Variants in NUDT21 observed in about 807,000 individuals in gnomAD.
NUDT21 encodes the protein cleavage and polyadenylation specificity factor subunit 5.
NUDT21 carries 5 observed loss-of-function variants against 29.8 expected under a neutral mutation model. That is an observed-to-expected ratio of 0.17 (90% confidence interval 0.09 to 0.35). The LOEUF (loss-of-function observed/expected upper bound fraction) is 0.35. NUDT21 is among the 10% of genes least tolerant of loss of function. The pLI is 1.00. For missense variants in NUDT21, 76 were observed against 276.0 expected, an observed-to-expected ratio of 0.28 and a Z score of 5.13; for synonymous variants, 113 against 98.5, an observed-to-expected ratio of 1.15 and a Z score of -0.87.
rs1369922967 is a variant in NUDT21, at chr16:56,439,472, G to C, written c.471+185C>G. On this transcript the variant is annotated intron_variant, in intron 4 of 6. Transcript: ENST00000300291. ...ATTACAGGCATGAGCCACCTCGCCC[G>C]GCCTTGTATTTGTTTTACATTTTCC... 2.4e-5 allele frequency: 14 copies of C among 575,504 alleles called. No individual in the cohort carries two copies. The Admixed American group carries it at 4.1e-4, about 17-fold the overall frequency. The allele number at this position is 575,504 out of a possible 1,614,324, so 35.6% of individuals were successfully genotyped here. A position where few individuals can be genotyped will look rare whatever the true frequency, so the allele number is the denominator to read the frequency against.
Position 56,451,312 on chromosome 16 carries a change from A to C in NUDT21, c.-110T>G. 1.1e-6 allele frequency: 1 copy of C among 884,250 alleles called. No individual in the cohort carries two copies. Among genetic ancestry groups the C allele is most frequent in the Non-Finnish European group, 1.7e-6 (1 of 574,036 alleles). The allele number at this position is 884,250 out of a possible 1,614,324, so 54.8% of individuals were successfully genotyped here. ...CCCTCAGCGGCTACTGCCCGCCATTAACAGGACAGCGCAAGAGGAGGCGTA... is the reference window on the plus strand; with the variant it reads ...CCCTCAGCGGCTACTGCCCGCCATTCACAGGACAGCGCAAGAGGAGGCGTA... On this transcript the variant is annotated 5_prime_UTR_variant, in exon 1 of 7. Transcript: ENST00000300291.
At chr16:56,435,323 A>C (rs1445160463) in intron 4 of NUDT21, 1 of 152,694 alleles carries the variant, frequency 6.5e-6, no homozygotes, top group African/African-American at 2.4e-5. Context: ...GGGTTTCTCC[A>C]GGCTAGTCTT....
At chr16:56,432,837 C>T (rs1962050456) in intron 6 of NUDT21, 104 bp from the exon 7 acceptor site, 2 of 809,924 alleles carry the variant, frequency 2.5e-6, no homozygotes, top group South Asian at 4.8e-5. Context: ...CTTAGCATGT[C>T]TGGCATTTTC....
At chr16:56,439,355 T>C in intron 4 of NUDT21, 1 of 279,178 alleles carries the variant, frequency 3.6e-6, no homozygotes, top group South Asian at 3.8e-5. Context: ...CATTTTTTAG[T>C]AGAGACGAGC....
chr16:56,432,808 C>T (rs1181664642), intron 6 of NUDT21, 75 bp from the exon 7 acceptor site: 1 of 1,083,208 alleles, frequency 9.2e-7, no homozygotes, highest in African/African-American at 1.6e-5. Flanking sequence ...ATAAATTTAT[C>T]TGGATGTTTC....
intron 4 of NUDT21, among the ~76,000 whole-genome samples, chr16:56,435,743 T>TTATATATATATATA (rs777245596): frequency 0.015 from 402 of 27,020 alleles, 76 homozygotes; most frequent in Middle Eastern, 0.031. Flanking sequence ...AAAAAAAAAA[T>TTATATATATATATA]TATATATATA....
rs1397011644 is a variant in NUDT21, at chr16:56,434,709, C to G, written c.547+45G>C. The G allele has an allele frequency of 4.0e-6, 5 of 1,254,648 alleles. No homozygotes were observed. In the South Asian group the frequency reaches 6.0e-5, roughly 15 times the overall value. 77.7% of individuals were successfully genotyped at this position (1,254,648 alleles called of 1,614,324 possible). On this transcript the variant is annotated intron_variant, in intron 5 of 6. Transcript: ENST00000300291. Reference sequence around the variant, plus strand: ...AAATAGAGGTATCCTTGAAATTATTCTACAGAATTTTTAGATGGCTACCTT... The same window carrying G: ...AAATAGAGGTATCCTTGAAATTATTGTACAGAATTTTTAGATGGCTACCTT...
chr16:56,450,057 G>A (rs1962267790), intron 1 of NUDT21, among the ~76,000 whole-genome samples: 1 of 152,074 alleles, frequency 6.6e-6, no homozygotes, highest in African/African-American at 2.4e-5. Flanking sequence ...GTTGGGGGAC[G>A]GGGAGACAAT....
rs1417657368 is a variant in NUDT21 at position 56,430,823 on chromosome 16, T to C, written c.*1889A>G. 2 of 152,224 alleles carry C rather than the reference T, an allele frequency of 1.3e-5. No individual in the cohort carries two copies. Among genetic ancestry groups the C allele is most frequent in the Non-Finnish European group, 2.9e-5 (2 of 68,036 alleles). The allele number at this position is 152,224 out of a possible 1,614,324, so 9.4% of individuals were successfully genotyped here. On this transcript the variant is annotated 3_prime_UTR_variant, in exon 7 of 7. Transcript: ENST00000300291. ...ACCCAGCCATCCTGAATCAAAGGTT[T>C]TTCTCAACTAGGCCTTAGTGTATGG...
chr16:56,436,635 C>T (rs1962106961), intron 4 of NUDT21, among the ~76,000 whole-genome samples: 1 of 152,170 alleles, frequency 6.6e-6, no homozygotes, highest in Non-Finnish European at 1.5e-5. Flanking sequence ...TAAAAGTTCC[C>T]AAACCATGAT....
At chr16:56,450,083 T>C (rs1962268645) in intron 1 of NUDT21, among the ~76,000 whole-genome samples, 1 of 152,220 alleles carries the variant, frequency 6.6e-6, no homozygotes, top group African/African-American at 2.4e-5. Flanking sequence ...TTTATTTTAA[T>C]ATGAAACAGA....
At position 56,451,194 on chromosome 16, in the gene NUDT21, C is replaced by T. The variant is rs371519966; in HGVS notation, c.9G>A (p.Val3=). ...CGGTCTGCGAGCGATTGGGCGGTACCACAGACATGCTGGCGAGCTCCGGCG... is the reference window on the plus strand; with the variant it reads ...CGGTCTGCGAGCGATTGGGCGGTACTACAGACATGCTGGCGAGCTCCGGCG... MS[V]VPPNRSQTGW... The change falls in exon 1 of 7, where the codon GTG becomes GTA. Residue 3 remains valine (V), a synonymous_variant. Coordinates refer to ENST00000300291, the MANE Select transcript of NUDT21 (RefSeq NM_007006.3). The T allele has an allele frequency of 5.0e-6, 8 of 1,601,710 alleles. No homozygotes were observed. The African/African-American group carries it at 9.4e-5, about 19-fold the overall frequency.
Position 56,451,153 on chromosome 16 carries a change from A to AC in NUDT21, c.49dup (p.Val17GlyfsTer56), listed in dbSNP as rs757493201. On this transcript the variant is annotated frameshift_variant, in exon 1 of 7. Coordinates refer to ENST00000300291, the MANE Select transcript of NUDT21 (RefSeq NM_007006.3). LOFTEE classifies it high-confidence loss of function. ...GATGTACTTGTTGCCGAACTGAGTG[A>AC]CCCCCCGGGGCCAGCCGGTCTGCGA... 2 of 1,604,484 alleles carry AC rather than the reference A, an allele frequency of 1.2e-6. No homozygotes were observed. Among genetic ancestry groups the AC allele is most frequent in the Non-Finnish European group, 1.7e-6 (2 of 1,176,326 alleles).
intron 4 of NUDT21, 168 bp downstream of exon 4, chr16:56,439,489 A>G (rs886512104): frequency 1.5e-6 from 1 of 647,190 alleles, no homozygotes. Flanking sequence ...TATTTGTTTT[A>G]CATTTTCCTT....
rs1351698229 is a variant in NUDT21 at position 56,432,355 on chromosome 16, C to T, written c.*357G>A. ...GCAAGGGTCCAATAAACTTGACTGACTTAAACCTGTCATTGTGTTGCAACA... is the reference window on the plus strand; with the variant it reads ...GCAAGGGTCCAATAAACTTGACTGATTTAAACCTGTCATTGTGTTGCAACA... On this transcript the variant is annotated 3_prime_UTR_variant, in exon 7 of 7. Transcript: ENST00000300291. 1 of 186,440 alleles carries T rather than the reference C, an allele frequency of 5.4e-6. No homozygotes were observed. The highest frequency in any genetic ancestry group is 2.3e-5 in the African/African-American group (1 of 42,646). 11.5% of individuals were successfully genotyped at this position (186,440 alleles called of 1,614,324 possible).
chr16:56,449,199 T>C (rs1186632431), intron 1 of NUDT21: 4 of 152,224 alleles, frequency 2.6e-5, no homozygotes, highest in Non-Finnish European at 5.9e-5. Context: ...GGATAGCCAT[T>C]ACACATCTCT....
intron 6 of NUDT21, 37 bp from the exon 7 acceptor site, chr16:56,432,770 A>T (rs1171169390): frequency 7.1e-7 from 1 of 1,415,400 alleles, no homozygotes; most frequent in Non-Finnish European, 9.9e-7. Context: ...TATTAAAGAC[A>T]GTACATACTA....
chr16:56,432,679 G>A lies in NUDT21; in HGVS notation c.*33C>T. The A allele has an allele frequency of 1.2e-6, 2 of 1,603,522 alleles. No homozygotes were observed. Among genetic ancestry groups the A allele is most frequent in the Non-Finnish European group, 1.7e-6 (2 of 1,174,326 alleles). On this transcript the variant is annotated 3_prime_UTR_variant, in exon 7 of 7. Transcript: ENST00000300291. ...TATATAGCTGTGCTCACAGAGACAA[G>A]CGGCTTCTTTTACTTCTCCACTGCG... is the stretch of plus-strand genomic sequence containing the variant.
At position 56,432,602 on chromosome 16, in the gene NUDT21, C is replaced by A; in HGVS notation, c.*110G>T. The A allele has an allele frequency of 1.3e-6, 1 of 752,390 alleles. No individual in the cohort carries two copies. Among genetic ancestry groups the A allele is most frequent in the Non-Finnish European group, 2.1e-6 (1 of 479,980 alleles). 46.6% of individuals were successfully genotyped at this position (752,390 alleles called of 1,614,324 possible). A position where few individuals can be genotyped will look rare whatever the true frequency, so the allele number is the denominator to read the frequency against. ...AATAGAAAGGTGGCAATTTAGGGATCGCAAAAGAGATAAAACCAAAAAAAC... is the reference window on the plus strand; with the variant it reads ...AATAGAAAGGTGGCAATTTAGGGATAGCAAAAGAGATAAAACCAAAAAAAC... On this transcript the variant is annotated 3_prime_UTR_variant, in exon 7 of 7. Coordinates refer to ENST00000300291, the MANE Select transcript of NUDT21 (RefSeq NM_007006.3).
Sources: gnomAD v4.1 joint callset for allele counts (sites outside exome capture counted in the v4.1 genomes callset) on GRCh38, gnomAD v4.1.1 for gene constraint, MANE v1.5 for transcripts, NCBI Gene and HGNC (gene_info 2026-07-23, HGNC 2026-07-21) for gene names.